The following EBF1 variants were observed in gnomAD, a reference collection of about 807,000 sequenced individuals.
The protein encoded by EBF1 is EBF transcription factor 1, also known as transcription factor COE1.
EBF1 carries 10 observed loss-of-function variants against 68.4 expected under a neutral mutation model. That is an observed-to-expected ratio of 0.15 (90% confidence interval 0.09 to 0.25). The LOEUF (loss-of-function observed/expected upper bound fraction) is 0.25, where lower values mean the gene tolerates loss of function less well. Ranked by LOEUF, EBF1 falls within the 10% of genes least tolerant of loss-of-function variation. The pLI, the probability that EBF1 is intolerant of heterozygous loss-of-function variation, is 1.00. For synonymous variants in EBF1, 298 were observed against 299.8 expected, an observed-to-expected ratio of 0.99 and a Z score of 0.06; for missense variants, 509 against 794.4, an observed-to-expected ratio of 0.64 and a Z score of 4.32.
intron 7 of EBF1, among the ~76,000 whole-genome samples, chr5:158,828,547 G>A (rs186624549): frequency 1.4e-3 from 211 of 152,158 alleles, no homozygotes; most frequent in Middle Eastern, 3.4e-3. Flanking sequence ...CAATTTTATA[G>A]AACTAAAAAT....
intron 6 of EBF1, among the ~76,000 whole-genome samples, chr5:158,938,111 G>T (rs558249601): frequency 6.6e-5 from 10 of 152,184 alleles, no homozygotes; most frequent in African/African-American, 2.4e-4. Context: ...TTTTTGTTTT[G>T]GTTTTGTTCT....
At chr5:158,823,732 C>T (rs1785371220) in intron 7 of EBF1, among the ~76,000 whole-genome samples, 1 of 152,086 alleles carries the variant, frequency 6.6e-6, no homozygotes, top group Non-Finnish European at 1.5e-5. Flanking sequence ...CCCACTGTGT[C>T]AGGGTTAAGA....
At chr5:159,051,658 T>A (rs1219026611) in intron 6 of EBF1, among the ~76,000 whole-genome samples, 1 of 151,806 alleles carries the variant, frequency 6.6e-6, no homozygotes, top group East Asian at 1.9e-4. Flanking sequence ...GAGCCCCGAC[T>A]GTAAGAAGTA....
chr5:158,816,484 G>A (rs1193229823), intron 8 of EBF1, among the ~76,000 whole-genome samples: 11 of 152,262 alleles, frequency 7.2e-5, no homozygotes, highest in Admixed American at 7.2e-4. Context: ...GTAAAATGAG[G>A]AAGAGTGAAA....
At chr5:158,938,002 C>T (rs763925265) in intron 6 of EBF1, among the ~76,000 whole-genome samples, 7 of 152,186 alleles carry the variant, frequency 4.6e-5, no homozygotes, top group Non-Finnish European at 1.0e-4. Flanking sequence ...CGTCGTGGAC[C>T]TGGCATGTTC....
At chr5:159,074,220 GA>G (rs778721055) in intron 5 of EBF1, among the ~76,000 whole-genome samples, 32 of 152,142 alleles carry the variant, frequency 2.1e-4, no homozygotes, top group Non-Finnish European at 3.8e-4. Flanking sequence ...CTATGGGCTC[GA>G]AAAGTACCTA....
intron 8 of EBF1, among the ~76,000 whole-genome samples, chr5:158,799,315 G>C (rs1455587614): frequency 6.6e-6 from 1 of 152,036 alleles, no homozygotes; most frequent in African/African-American, 2.4e-5. Context: ...CTAGCTACTG[G>C]GGAGGCTGAG....
At chr5:158,836,073 A>C (rs1383407146) in intron 7 of EBF1, among the ~76,000 whole-genome samples, 1 of 152,212 alleles carries the variant, frequency 6.6e-6, no homozygotes, top group African/African-American at 2.4e-5. Flanking sequence ...GTTAGGAATG[A>C]ACCAAGACAG....
intron 6 of EBF1, among the ~76,000 whole-genome samples, chr5:159,019,319 T>G (rs1223289843): frequency 6.6e-6 from 1 of 152,260 alleles, no homozygotes; most frequent in East Asian, 1.9e-4. Context: ...AACTAAGAAA[T>G]GTCTTGTGGA....
intron 10 of EBF1, among the ~76,000 whole-genome samples, chr5:158,756,034 T>A (rs943319048): frequency 6.6e-6 from 1 of 152,172 alleles, no homozygotes; most frequent in African/African-American, 2.4e-5. Flanking sequence ...TTTAGCAGCT[T>A]AAAGAGCTCA....
In EBF1 at chr5:158,696,731, C is replaced by A. The variant is rs1258606667; in HGVS notation, c.*2380G>T. The A allele has an allele frequency of 5.2e-6, 1 of 192,280 alleles. No homozygotes were observed. Among genetic ancestry groups the A allele is most frequent in the Non-Finnish European group, 1.1e-5 (1 of 93,238 alleles). The allele number at this position is 192,280 out of a possible 1,614,324, so 11.9% of individuals were successfully genotyped here. ...CACAACTCCCCTCCCCCACCCACCCCAACCCATAAAAATCGCACTCTTGAC... is the reference window on the plus strand; with the variant it reads ...CACAACTCCCCTCCCCCACCCACCCAAACCCATAAAAATCGCACTCTTGAC... On this transcript the variant is annotated 3_prime_UTR_variant, in exon 16 of 16. Coordinates refer to ENST00000313708, the MANE Select transcript of EBF1 (RefSeq NM_024007.5).
chr5:158,994,341 C>CCCAGCTGGGTA (rs1433572149), intron 6 of EBF1, among the ~76,000 whole-genome samples: 2 of 152,234 alleles, frequency 1.3e-5, no homozygotes, highest in Non-Finnish European at 2.9e-5. Flanking sequence ...AGTGGCTTTG[C>CCCAGCTGGGTA]CCAAACCCAG....
At chr5:159,033,141 G>A (rs187853173) in intron 6 of EBF1, among the ~76,000 whole-genome samples, 47 of 152,280 alleles carry the variant, frequency 3.1e-4, no homozygotes, top group Admixed American at 2.0e-4. Flanking sequence ...AGGAGCAGCC[G>A]CCTGGAAGCG....
rs559837521 is a variant in EBF1, at chr5:158,773,469, G to T, written c.1036+3944C>A. Among the ~76,000 whole-genome samples the T allele has an allele frequency of 1.9e-4, 29 of 152,260 alleles. No individual in the cohort carries two copies. In the South Asian group the frequency reaches 5.8e-3, roughly 31 times the overall value. On this transcript the variant is annotated intron_variant, in intron 10 of 15. Coordinates refer to ENST00000313708, the MANE Select transcript of EBF1 (RefSeq NM_024007.5). ...GTTAGTGGTAGAAAAGATCTGATAAGTGACCTAACCAGACATCTGAGTTGT... is the reference window on the plus strand; with the variant it reads ...GTTAGTGGTAGAAAAGATCTGATAATTGACCTAACCAGACATCTGAGTTGT...
intron 6 of EBF1, among the ~76,000 whole-genome samples, chr5:158,922,395 AAC>A (rs1808631082): frequency 6.6e-6 from 1 of 152,224 alleles, no homozygotes; most frequent in Non-Finnish European, 1.5e-5. Context: ...ACATAACAAT[AAC>A]CGACCACATC....
chr5:159,032,254 T>A (rs1481121104), intron 6 of EBF1, among the ~76,000 whole-genome samples: 1 of 152,226 alleles, frequency 6.6e-6, no homozygotes, highest in Non-Finnish European at 1.5e-5. Context: ...TGAGTATAGG[T>A]ATGATTATCT....
chr5:158,794,756 G>C (rs1438862987), intron 9 of EBF1, among the ~76,000 whole-genome samples: 2 of 152,188 alleles, frequency 1.3e-5, no homozygotes, highest in African/African-American at 4.8e-5. Flanking sequence ...GGGACAGTCT[G>C]TCCTCATGAG....
intron 6 of EBF1, among the ~76,000 whole-genome samples, chr5:158,920,163 G>A (rs112865511): frequency 0.019 from 2,846 of 151,708 alleles, 42 homozygotes; most frequent in Non-Finnish European, 0.03. Context: ...ATGTGTGTGT[G>A]TGTGTGTATG....
chr5:158,849,602 G>A (rs80330977), intron 6 of EBF1, among the ~76,000 whole-genome samples: 8,037 of 152,256 alleles, frequency 0.053, 292 homozygotes, highest in Non-Finnish European at 0.071. Flanking sequence ...AAGACACCAC[G>A]GACTTCTGAT....
Sources: allele counts gnomAD v4.1 joint callset (sites outside exome capture counted in the v4.1 genomes callset), GRCh38; gene constraint gnomAD v4.1.1; transcripts MANE v1.5; gene names NCBI Gene and HGNC (gene_info 2026-07-23, HGNC 2026-07-21).